The following NOTCH1 variants were observed in gnomAD, a reference collection of about 807,000 sequenced individuals.
NOTCH1 encodes notch receptor 1, also known as neurogenic locus notch homolog protein 1.
NOTCH1 carries 37 observed loss-of-function variants against 254.8 expected under a neutral mutation model. The ratio of observed to expected loss-of-function variants is 0.15; its 90% CI spans 0.11 to 0.19. The LOEUF (loss-of-function observed/expected upper bound fraction) is 0.19, where lower values mean the gene tolerates loss of function less well. NOTCH1 is among the 10% of genes least tolerant of loss of function. The pLI, the probability that NOTCH1 is intolerant of heterozygous loss-of-function variation, is 1.00. For synonymous variants in NOTCH1, 1,731 were observed against 1,618.1 expected (o/e 1.07, Z -1.68); for missense variants, 2,972 against 3,708.6 (o/e 0.80, Z 5.16).
At chr9:136,499,451 G>T (rs1471493103) in intron 31 of NOTCH1, among the ~76,000 whole-genome samples, 192 bp from the exon 32 acceptor site, 1 of 152,246 alleles carries the variant, frequency 6.6e-6, no homozygotes, top group Non-Finnish European at 1.5e-5. Context: ...GGGGGCAGGG[G>T]CTGTGCTGCC....
chr9:136,494,878 T>C lies in NOTCH1; in HGVS notation c.*1193A>G, dbSNP rs1014511461. On this transcript the variant is annotated 3_prime_UTR_variant, in exon 34 of 34. Coordinates refer to ENST00000651671, the MANE Select transcript of NOTCH1 (RefSeq NM_017617.5). ...TTGCAAAAATCTGCTCCTCCCAAAC[T>C]AGGAGGGGTGGCCCAAGGGCAGCCC... is the stretch of plus-strand genomic sequence containing the variant. 14 of 398,506 alleles carry C rather than the reference T, an allele frequency of 3.5e-5. 1 individual carries two copies. Among genetic ancestry groups the C allele is most frequent in the African/African-American group, 2.3e-4 (11 of 48,622 alleles). The allele number at this position is 398,506 out of a possible 1,614,324, so 24.7% of individuals were successfully genotyped here.
At chr9:136,515,254 A>G (rs1050502640) in intron 12 of NOTCH1, 36 bp downstream of exon 12, 1 of 1,594,178 alleles carries the variant, frequency 6.3e-7, no homozygotes. Context: ...ACCTCTGAGC[A>G]CAGTGCAGTC....
In NOTCH1 at chr9:136,503,285, G is replaced by C. The variant is rs2133333563; in HGVS notation, c.5064C>G (p.Ala1688=). 1 of 1,613,058 alleles carries C rather than the reference G, an allele frequency of 6.2e-7. No individual in the cohort carries two copies. Among genetic ancestry groups the C allele is most frequent in the Non-Finnish European group, 8.5e-7 (1 of 1,179,956 alleles). Residue 1688 remains alanine, a synonymous_variant, in exon 27 of 34, where the codon GCC becomes GCG. Coordinates refer to ENST00000651671, the MANE Select transcript of NOTCH1 (RefSeq NM_017617.5). ...LEIDNRQCVQ[A]SSQCFQSATD... ...TGGCACTCTGGAAGCACTGCGAGGAGGCCTGCACACACTGCCGGTTGTCAA... is the reference window on the plus strand; with the variant it reads ...TGGCACTCTGGAAGCACTGCGAGGACGCCTGCACACACTGCCGGTTGTCAA...
Position 136,498,892 on chromosome 9 carries a change from C to G in NOTCH1, c.6180+7G>C. 1 of 1,613,474 alleles carries G rather than the reference C, an allele frequency of 6.2e-7. No individual in the cohort carries two copies. Among genetic ancestry groups the G allele is most frequent in the Non-Finnish European group, 8.5e-7 (1 of 1,179,944 alleles). ...CGTCTCCCCTGGCATCCCAGCCTCG[C>G]GCTCACCCTGTTGTTCTGCATATCT... On this transcript the variant is annotated splice_region_variant and intron_variant, in intron 33 of 33. Transcript: ENST00000651671.
rs766146375 is a variant in NOTCH1 at position 136,505,571 on chromosome 9, G to A, written c.4325C>T (p.Pro1442Leu). 2.5e-6 allele frequency: 4 copies of A among 1,610,146 alleles called. No homozygotes were observed. Among genetic ancestry groups the A allele is most frequent in the East Asian group, 2.2e-5 (1 of 44,832 alleles). The change falls in exon 25 of 34, where the codon CCG becomes CTG. Residue 1442 changes from proline to leucine, a missense_variant. Pro to Leu is a moderately conservative substitution (Grantham distance 98, BLOSUM62 -3). Around this residue, in one of 8 missense-constraint regions of NOTCH1, gnomAD observed 1,343 missense variants for 1,557.0 expected, o/e 0.86. Transcript: ENST00000651671. ...CTCGCACGCCTCCTCGATCAGCGGC[G>A]GGGGGATGTCGCGCCCGGCCCCACC... The part of the protein sequence containing the change: ...FGGGAGRDIP[P>L]PLIEEACELP...
At chr9:136,544,146 C>G in intron 1 of NOTCH1, 44 bp from the exon 2 acceptor site, 1 of 1,523,806 alleles carries the variant, frequency 6.6e-7, no homozygotes, top group Middle Eastern at 2.3e-4. Context: ...ACCCGCACCA[C>G]CACCACCGAA....
intron 2 of NOTCH1, among the ~76,000 whole-genome samples, chr9:136,531,258 G>A (rs1843554061): frequency 6.6e-6 from 1 of 152,238 alleles, no homozygotes; most frequent in Non-Finnish European, 1.5e-5. Context: ...CTGGGGGCGT[G>A]TAATGGGCCC....
Position 136,510,430 on chromosome 9 carries a change from C to T in NOTCH1, c.2740+223G>A, listed in dbSNP as rs113293212. On this transcript the variant is annotated intron_variant, in intron 17 of 33. Transcript: ENST00000651671. ...AGTGAAGAGCCGTGGGAGGGGCTCT[C>T]GTGACTCTTCCGCGAAGTGCAGGGA... The T allele has an allele frequency of 8.7e-5, 54 of 623,204 alleles. 1 individual carries two copies. Among genetic ancestry groups the T allele is most frequent in the African/African-American group, 8.6e-4 (47 of 54,796 alleles). 38.6% of individuals were successfully genotyped at this position (623,204 alleles called of 1,614,324 possible).
chr9:136,512,997 G>T (rs762787003), intron 15 of NOTCH1, 24 bp downstream of exon 15: 7 of 554,954 alleles, frequency 1.3e-5, no homozygotes, highest in African/African-American at 3.9e-5. Context: ...GCCCCCTCCA[G>T]CACAGGCCCC....
At position 136,522,943 on chromosome 9, in the gene NOTCH1, G is replaced by C; in HGVS notation, c.649C>G (p.Arg217Gly). The C allele has an allele frequency of 5.1e-6, 8 of 1,554,970 alleles. No homozygotes were observed. Among genetic ancestry groups the C allele is most frequent in the African/African-American group, 1.4e-5 (1 of 73,460 alleles). The change falls in exon 4 of 34, where the codon CGG becomes GGG. Residue 217 changes from arginine (R) to glycine (G), a missense_variant. Physicochemically the swap from Arg to Gly is moderately radical, Grantham distance 125. Coordinates refer to ENST00000651671, the MANE Select transcript of NOTCH1 (RefSeq NM_017617.5). Reference sequence around the variant, plus strand: ...GAGGGGCTGCAGGGCACGTAGGGCCGCTCGCAGTTGGGGCCAGTGTGGGTG... The same window carrying C: ...GAGGGGCTGCAGGGCACGTAGGGCCCCTCGCAGTTGGGGCCAGTGTGGGTG... Reference protein sequence around the residue: ...RATHTGPNCERPYVPCSPSPC... With the variant: ...RATHTGPNCEGPYVPCSPSPC...
intron 2 of NOTCH1, among the ~76,000 whole-genome samples, chr9:136,527,585 G>A (rs1843484580): frequency 6.6e-6 from 1 of 152,172 alleles, no homozygotes; most frequent in African/African-American, 2.4e-5. Context: ...CTTGAGATAG[G>A]GAACGCCAGT....
At chr9:136,524,295 G>A (rs1843424671) in intron 2 of NOTCH1, among the ~76,000 whole-genome samples, 1 of 152,120 alleles carries the variant, frequency 6.6e-6, no homozygotes, top group African/African-American at 2.4e-5. Context: ...GACAGAGCAA[G>A]ACTCAAAAAA....
rs1350374196 is a variant in NOTCH1, at chr9:136,511,288, C to T, written c.2468-17G>A. The T allele has an allele frequency of 6.2e-7, 1 of 1,604,294 alleles. No individual in the cohort carries two copies. The highest frequency in any genetic ancestry group is 8.5e-7 in the Non-Finnish European group (1 of 1,177,646). ...ACGTGGCACCTGCGGGAAGGAGACA[C>T]ACGTGACCCCGGGAGCCTCACCCAG... is the stretch of plus-strand genomic sequence containing the variant. On this transcript the variant is annotated splice_polypyrimidine_tract_variant and intron_variant, in intron 15 of 33. Transcript: ENST00000651671.
chr9:136,505,316 T>G lies in NOTCH1; in HGVS notation c.4580A>C (p.Gln1527Pro). 2 of 1,574,282 alleles carry G rather than the reference T, an allele frequency of 1.3e-6. No homozygotes were observed. The highest frequency in any genetic ancestry group is 1.7e-6 in the Non-Finnish European group (2 of 1,160,274). The change falls in exon 25 of 34, where the codon CAG (glutamine) becomes CCG (proline). Residue 1527 changes from glutamine (Q) to proline (P), a missense_variant. By Grantham distance (76) the Gln-to-Pro change is moderately conservative. Around this residue, in one of 8 missense-constraint regions of NOTCH1, gnomAD observed 1,343 missense variants for 1,557.0 expected, o/e 0.86. Coordinates refer to ENST00000651671, the MANE Select transcript of NOTCH1 (RefSeq NM_017617.5). Reference sequence around the variant, plus strand: ...ATGAGCCCCGCAGCCTTACTTGCACTGGCCTTCCGCACGCTGGCAGTCAAA... The same window carrying G: ...ATGAGCCCCGCAGCCTTACTTGCACGGGCCTTCCGCACGCTGGCAGTCAAA... ...DGFDCQRAEGQCNPLYDQYCK... is the reference protein window; with the variant it reads ...DGFDCQRAEGPCNPLYDQYCK...
chr9:136,504,956 G>C lies in NOTCH1; in HGVS notation c.4735C>G (p.Leu1579Val), dbSNP rs2133337139. The C allele has an allele frequency of 1.3e-6, 2 of 1,588,742 alleles. No individual in the cohort carries two copies. Among genetic ancestry groups the C allele is most frequent in the Non-Finnish European group, 1.7e-6 (2 of 1,169,742 alleles). The change falls in exon 26 of 34, where the codon CTG becomes GTG. Residue 1579 changes from leucine (L) to valine (V), a missense_variant. Physicochemically the swap from Leu to Val is conservative, Grantham distance 32. Coordinates refer to ENST00000651671, the MANE Select transcript of NOTCH1 (RefSeq NM_017617.5). ...LAAGTLVVVV[L>V]MPPEQLRNSS... is the part of the protein sequence containing the mutation. ...TTGCGCAGCTGCTCCGGCGGCATCA[G>C]CACCACCACCACCAGCGTGCCGGCC...
At chr9:136,519,702 C>A (rs1843336838) in intron 4 of NOTCH1, 137 bp from the exon 5 acceptor site, 6 of 1,243,672 alleles carry the variant, frequency 4.8e-6, no homozygotes, top group Non-Finnish European at 7.0e-6. Flanking sequence ...CTGTGCCCGT[C>A]CCCTGCCTCA....
rs980097035 is a variant in NOTCH1, at chr9:136,506,998, G to A, written c.3644-25C>T. ...CCTGCGGGGCCAGGTTTCGTCAGTG[G>A]CCCAAGCCCGCCACACCCCGGCCCT... is the stretch of plus-strand genomic sequence containing the variant. On this transcript the variant is annotated intron_variant, in intron 22 of 33. Coordinates refer to ENST00000651671, the MANE Select transcript of NOTCH1 (RefSeq NM_017617.5). The surrounding 1 kb of genome is among the most constrained non-coding windows in gnomAD (Gnocchi z 4.5). The A allele has an allele frequency of 1.9e-5, 29 of 1,551,046 alleles. No homozygotes were observed. Among genetic ancestry groups the A allele is most frequent in the Admixed American group, 3.9e-5 (2 of 51,388 alleles).
Position 136,496,758 on chromosome 9 carries a change from C to T in NOTCH1, c.6981G>A (p.Arg2327=). 1.2e-6 allele frequency: 2 copies of T among 1,612,844 alleles called. No homozygotes were observed. Among genetic ancestry groups the T allele is most frequent in the Non-Finnish European group, 1.7e-6 (2 of 1,180,000 alleles). Reference sequence around the variant, plus strand: ...TCAGGGGGCCTGGTGCCACACTCCCCCGCAGAGGGTTGTATTGGTTCGGCA... The same window carrying T: ...TCAGGGGGCCTGGTGCCACACTCCCTCGCAGAGGGTTGTATTGGTTCGGCA... The part of the protein sequence containing the change: ...GMVPNQYNPL[R]GSVAPGPLST... Residue 2327 remains arginine, a synonymous_variant, in exon 34 of 34, where the codon CGG becomes CGA. Transcript: ENST00000651671.
chr9:136,515,167 C>T, intron 12 of NOTCH1, 123 bp downstream of exon 12: 1 of 869,576 alleles, frequency 1.1e-6, no homozygotes, highest in Non-Finnish European at 1.9e-6. Context: ...TGCTGCAGAC[C>T]ACGGTCTGCC....
Sources: gnomAD v4.1 joint callset for allele counts (sites outside exome capture counted in the v4.1 genomes callset) on GRCh38, gnomAD v4.1.1 for gene constraint, gnomAD v4.1.1 regional missense constraint, Gnocchi (gnomAD v3.1) non-coding constraint, MANE v1.5 for transcripts, NCBI Gene and HGNC (gene_info 2026-07-23, HGNC 2026-07-21) for gene names.